CYP3A43: variants seen among roughly 807,000 people sequenced by gnomAD.
The protein encoded by CYP3A43 is cytochrome P450 family 3 subfamily A member 43, also known as cytochrome P450 3A43.
A neutral mutation model predicts 58.0 loss-of-function variants in CYP3A43; 45 were observed. The ratio of observed to expected loss-of-function variants is 0.78; its 90% CI spans 0.61 to 0.99. CYP3A43 has a LOEUF of 0.99. Among genes scored for constraint, CYP3A43 ranks in the 50% least tolerant of loss-of-function variants. CYP3A43 has a pLI of 0.00. For synonymous variants in CYP3A43, 191 were observed against 201.4 expected (o/e 0.95, Z 0.44); for missense variants, 593 against 591.9 (o/e 1.00, Z -0.02).
chr7:99,836,596 A>C (rs1438701991), intron 2 of CYP3A43, 50 bp downstream of exon 2: 6 of 1,359,486 alleles, frequency 4.4e-6, no homozygotes, highest in Non-Finnish European at 3.0e-6. Context: ...TGCAAACCCA[A>C]GCTTAGTCCT....
At chr7:99,849,348 C>T (rs1817658635) in intron 6 of CYP3A43, among the ~76,000 whole-genome samples, 198 bp from the exon 7 acceptor site, 1 of 152,248 alleles carries the variant, frequency 6.6e-6, no homozygotes, top group Non-Finnish European at 1.5e-5. Context: ...GTCTCCATCA[C>T]TCCCAGCACA....
At position 99,837,149 on chromosome 7, in the gene CYP3A43, CA is replaced by C. The variant is rs59738486; in HGVS notation, c.165+623del. ...TGAAACCCTGTCTCTACTAAAAATA[CA>C]AAAAAAAAAAAAAAAAAAATTAGCC... On this transcript the variant is annotated intron_variant, in intron 2 of 12. Transcript: ENST00000354829. Among the ~76,000 whole-genome samples the C allele has an allele frequency of 2.9e-3, 231 of 80,610 alleles. 2 individuals carry two copies. The Middle Eastern group carries it at 0.036, about 13-fold the overall frequency. The allele number at this position is 80,610 out of a possible 152,430, so 52.9% of individuals were successfully genotyped here. A position where few individuals can be genotyped will look rare whatever the true frequency, so the allele number is the denominator to read the frequency against.
intron 1 of CYP3A43, 144 bp from the exon 2 acceptor site, chr7:99,836,309 T>C: frequency 1.5e-6 from 1 of 649,844 alleles, no homozygotes. Flanking sequence ...AATGTAATTA[T>C]TGCCATCAGA....
chr7:99,839,305 C>A, intron 3 of CYP3A43, 133 bp downstream of exon 3: 2 of 1,086,898 alleles, frequency 1.8e-6, no homozygotes, highest in Non-Finnish European at 2.8e-6. Context: ...CAGAGAGAGG[C>A]TATCTAAAAG....
In CYP3A43 at chr7:99,850,888, G is replaced by A. The variant is rs149475315; in HGVS notation, c.670+1194G>A. Among the ~76,000 whole-genome samples, 208 of 149,922 alleles carry A rather than the reference G, an allele frequency of 1.4e-3. No homozygotes were observed. The Middle Eastern group carries it at 0.058, about 42-fold the overall frequency. On this transcript the variant is annotated intron_variant, in intron 7 of 12. Coordinates refer to ENST00000354829, the MANE Select transcript of CYP3A43 (RefSeq NM_057095.3). ...ATTGTATAGATATGCTGCATTTTGC[G>A]CTAGGTGTAGTGGCTCATGCCTGTA...
intron 2 of CYP3A43, among the ~76,000 whole-genome samples, chr7:99,837,847 C>T (rs1817158650): frequency 6.6e-6 from 1 of 152,198 alleles, no homozygotes; most frequent in Admixed American, 6.5e-5. Context: ...AGTGCGTGTC[C>T]ACATGGCCAG....
chr7:99,861,947 G>A, intron 11 of CYP3A43, 108 bp downstream of exon 11: 1 of 1,005,100 alleles, frequency 9.9e-7, no homozygotes, highest in Non-Finnish European at 1.4e-6. Context: ...TTTTCATTTT[G>A]GAAGTTTTTT....
intron 10 of CYP3A43, among the ~76,000 whole-genome samples, 179 bp from the exon 11 acceptor site, chr7:99,861,434 A>G (rs532178854): frequency 3.3e-5 from 5 of 152,290 alleles, no homozygotes; most frequent in South Asian, 2.1e-4. Context: ...ACACATCTCA[A>G]TGGGCCATCG....
rs769723155 is a variant in CYP3A43 at position 99,861,692 on chromosome 7, T to C, written c.1106T>C (p.Val369Ala). 1.7e-5 allele frequency: 27 copies of C among 1,614,046 alleles called. No individual in the cohort carries two copies. The highest frequency in any genetic ancestry group is 2.2e-5 in the Non-Finnish European group (26 of 1,180,022). Residue 369 changes from valine (V) to alanine (A), a missense_variant, in exon 11 of 13, where the codon GTT becomes GCT. Transcript: ENST00000354829. ...AATGAAACGCTCAGATTATTCCCAG[T>C]TGTTAGTAGAGTTACGAGAGTCTGC... ...VVNETLRLFP[V>A]VSRVTRVCKK...
At chr7:99,856,954 C>G (rs1818006100) in intron 9 of CYP3A43, 55 bp downstream of exon 9, 2 of 1,553,698 alleles carry the variant, frequency 1.3e-6, no homozygotes, top group Admixed American at 4.2e-5. Context: ...AGAGAAGGCC[C>G]TGTTCTGAAA....
rs1458405289 is a variant in CYP3A43, at chr7:99,861,817, C to G, written c.1231C>G (p.Pro411Ala). ...LHHDPKYWTE[P>A]EKFCPERFSK... ...CCATGACCCAAAGTACTGGACAGAG[C>G]CTGAGAAGTTCTGCCCTGAAAGGTA... The change falls in exon 11 of 13, where the codon CCT (proline) becomes GCT (alanine). Residue 411 changes from proline to alanine, a missense_variant. Transcript: ENST00000354829. 6.2e-7 allele frequency: 1 copy of G among 1,613,832 alleles called. No homozygotes were observed. Among genetic ancestry groups the G allele is most frequent in the African/African-American group, 1.3e-5 (1 of 75,050 alleles).
intron 11 of CYP3A43, among the ~76,000 whole-genome samples, chr7:99,862,186 A>G (rs978216731): frequency 1.3e-5 from 2 of 152,230 alleles, no homozygotes; most frequent in African/African-American, 4.8e-5. Flanking sequence ...TTCTATATGC[A>G]TAAGCTATAA....
At chr7:99,854,871 CTT>C (rs1233338763) in intron 7 of CYP3A43, among the ~76,000 whole-genome samples, 1 of 151,920 alleles carries the variant, frequency 6.6e-6, no homozygotes, top group Non-Finnish European at 1.5e-5. Flanking sequence ...TTCCAATTCT[CTT>C]TTCTCTCTCT....
At chr7:99,834,089 T>A (rs1282217026) in intron 1 of CYP3A43, among the ~76,000 whole-genome samples, 1 of 152,224 alleles carries the variant, frequency 6.6e-6, no homozygotes, top group African/African-American at 2.4e-5. Context: ...ATTTTTCACA[T>A]ACTCTTCCTT....
At position 99,828,034 on chromosome 7, in the gene CYP3A43, G is replaced by A. The variant is rs577285838; in HGVS notation, c.-82G>A. 8.1e-6 allele frequency: 9 copies of A among 1,114,474 alleles called. No homozygotes were observed. Among genetic ancestry groups the A allele is most frequent in the African/African-American group, 3.1e-5 (2 of 64,596 alleles). 69.0% of individuals were successfully genotyped at this position (1,114,474 alleles called of 1,614,324 possible). ...AATCACCTCTGGGCAGAGAAACAAA[G>A]CTCTATATGCACAGCCCAGCAAAGA... On this transcript the variant is annotated 5_prime_UTR_variant, in exon 1 of 13. Coordinates refer to ENST00000354829, the MANE Select transcript of CYP3A43 (RefSeq NM_057095.3).
At chr7:99,832,641 G>A (rs1816894030) in intron 1 of CYP3A43, among the ~76,000 whole-genome samples, 1 of 151,176 alleles carries the variant, frequency 6.6e-6, no homozygotes, top group Non-Finnish European at 1.5e-5. Context: ...ATATACATAT[G>A]TAACAAACCT....
chr7:99,861,261 C>T (rs1818219845), intron 10 of CYP3A43, among the ~76,000 whole-genome samples: 1 of 152,126 alleles, frequency 6.6e-6, no homozygotes, highest in South Asian at 2.1e-4. Context: ...GATGCATAGC[C>T]TCTCTTTGGA....
intron 1 of CYP3A43, 151 bp downstream of exon 1, chr7:99,828,337 A>G: frequency 1.8e-6 from 1 of 545,702 alleles, no homozygotes; most frequent in Non-Finnish European, 3.1e-6. Flanking sequence ...AAATATTATT[A>G]ATATGTTAGG....
At chr7:99,837,238 G>A (rs1332036302) in intron 2 of CYP3A43, among the ~76,000 whole-genome samples, 3 of 147,404 alleles carry the variant, frequency 2.0e-5, no homozygotes, top group Non-Finnish European at 3.0e-5. Flanking sequence ...AGAATGGCGT[G>A]AACCCGGGAG....
Sources: gnomAD v4.1 joint callset for allele counts (sites outside exome capture counted in the v4.1 genomes callset) on GRCh38, gnomAD v4.1.1 for gene constraint, MANE v1.5 for transcripts, NCBI Gene and HGNC (gene_info 2026-07-23, HGNC 2026-07-21) for gene names.